ACBD6: variants seen among roughly 807,000 people sequenced by gnomAD.
ACBD6 encodes the protein acyl-CoA binding domain containing 6, also known as acyl-CoA-binding domain-containing protein 6.
Under a neutral mutation model 37.2 loss-of-function variants are expected in ACBD6, and 28 were observed. The observed-to-expected ratio is 0.75, with a 90% CI of 0.56 to 1.03. ACBD6 has a LOEUF of 1.03. Ranked by LOEUF, ACBD6 falls within the 50% of genes least tolerant of loss-of-function variation. The pLI is 0.00. For synonymous variants in ACBD6, 113 were observed against 126.8 expected (o/e 0.89, Z 0.73); for missense variants, 340 against 337.4 (o/e 1.01, Z -0.06).
intron 3 of ACBD6, among the ~76,000 whole-genome samples, chr1:180,456,613 A>C (rs1239898801): frequency 1.3e-5 from 2 of 152,240 alleles, no homozygotes; most frequent in African/African-American, 4.8e-5. Context: ...ATACATCATG[A>C]AACAGCAACA....
intron 6 of ACBD6, among the ~76,000 whole-genome samples, chr1:180,388,601 AT>A (rs34380522): frequency 0.82 from 123,515 of 150,256 alleles, 51,049 homozygotes; most frequent in Non-Finnish European, 0.88. Flanking sequence ...ACACAGATCA[AT>A]TTTTTTTTTT....
intron 6 of ACBD6, among the ~76,000 whole-genome samples, chr1:180,319,850 A>C (rs1379726773): frequency 1.3e-5 from 2 of 152,178 alleles, no homozygotes; most frequent in African/African-American, 4.8e-5. Context: ...CTTTTTAATG[A>C]CTGAATAATA....
At chr1:180,460,048 G>C (rs1483889132) in intron 3 of ACBD6, among the ~76,000 whole-genome samples, 1 of 137,766 alleles carries the variant, frequency 7.3e-6, no homozygotes, top group Non-Finnish European at 1.5e-5. Flanking sequence ...TGTTACATAT[G>C]TATACATGTG....
chr1:180,364,809 C>G (rs1652989778), intron 6 of ACBD6, among the ~76,000 whole-genome samples: 1 of 150,740 alleles, frequency 6.6e-6, no homozygotes, highest in Non-Finnish European at 1.5e-5. Flanking sequence ...TCTTGGCTCA[C>G]TGCAACCTCT....
chr1:180,329,158 T>A (rs1371143794), intron 6 of ACBD6, among the ~76,000 whole-genome samples: 1 of 152,220 alleles, frequency 6.6e-6, no homozygotes, highest in African/African-American at 2.4e-5. Context: ...ACTGATTATA[T>A]CCCTCAATTT....
chr1:180,465,749 T>A (rs1286049437), intron 3 of ACBD6, among the ~76,000 whole-genome samples: 1 of 152,046 alleles, frequency 6.6e-6, no homozygotes, highest in East Asian at 1.9e-4. Flanking sequence ...AGCAAAGACA[T>A]GGAATTAACC....
chr1:180,419,359 A>T (rs1026024251), intron 4 of ACBD6, among the ~76,000 whole-genome samples: 1 of 152,244 alleles, frequency 6.6e-6, no homozygotes, highest in Non-Finnish European at 1.5e-5. Context: ...TCATGTTAAC[A>T]TCTCCTATGA....
At chr1:180,451,497 T>G (rs1042899657) in intron 3 of ACBD6, among the ~76,000 whole-genome samples, 3 of 152,058 alleles carry the variant, frequency 2.0e-5, no homozygotes, top group African/African-American at 7.2e-5. Flanking sequence ...AAAAGATGAA[T>G]GGATAAACAA....
exon 14 of ACBD6, chr1:180,269,686 T>C (rs1355453123): frequency 1.3e-5 from 2 of 152,252 alleles, no homozygotes; most frequent in African/African-American, 2.4e-5. Flanking sequence ...CATTTTTTAA[T>C]ATAAAGATTG....
At chr1:180,370,545 T>C (rs940429154) in intron 6 of ACBD6, among the ~76,000 whole-genome samples, 1 of 152,178 alleles carries the variant, frequency 6.6e-6, no homozygotes, top group Admixed American at 6.5e-5. Flanking sequence ...GAAGTAAATA[T>C]AATACAGTAA....
At chr1:180,489,857 C>T (rs1413744467) in intron 3 of ACBD6, among the ~76,000 whole-genome samples, 2 of 152,090 alleles carry the variant, frequency 1.3e-5, no homozygotes, top group Middle Eastern at 3.2e-3. Flanking sequence ...CGGGATTTCA[C>T]CATGTTGGTC....
intron 3 of ACBD6, among the ~76,000 whole-genome samples, chr1:180,444,806 C>T (rs934624629): frequency 2.0e-5 from 3 of 152,196 alleles, no homozygotes; most frequent in Non-Finnish European, 2.9e-5. Flanking sequence ...AACTAAAATG[C>T]TCCTTCACTC....
chr1:180,305,996 G>C (rs1278202663), intron 7 of ACBD6, among the ~76,000 whole-genome samples: 1 of 150,866 alleles, frequency 6.6e-6, no homozygotes, highest in East Asian at 2.0e-4. Flanking sequence ...ACTATCGCAA[G>C]GACAAAAAAC....
At chr1:180,435,884 G>A (rs144168173) in intron 3 of ACBD6, 39 of 1,389,280 alleles carry the variant, frequency 2.8e-5, no homozygotes, top group Middle Eastern at 2.5e-4. Context: ...TCTTCTGGAT[G>A]GCAAGAACGT....
chr1:180,428,864 T>C (rs1648702813), intron 4 of ACBD6, among the ~76,000 whole-genome samples: 2 of 152,312 alleles, frequency 1.3e-5, no homozygotes, highest in Non-Finnish European at 2.9e-5. Context: ...ACATTTTTTA[T>C]TGCTTAAGAG....
intron 5 of ACBD6, among the ~76,000 whole-genome samples, chr1:180,403,873 C>G (rs1177923009): frequency 1.3e-5 from 2 of 151,930 alleles, no homozygotes; most frequent in Non-Finnish European, 1.5e-5. Context: ...CTGGAGTAGT[C>G]AAATTCAGAG....
chr1:180,437,922 T>C (rs1021625426), intron 3 of ACBD6, among the ~76,000 whole-genome samples: 3 of 152,084 alleles, frequency 2.0e-5, no homozygotes, highest in Admixed American at 6.5e-5. Context: ...GGCCCTATGA[T>C]GAGGGTATGC....
chr1:180,426,565 A>G (rs1022822330), intron 4 of ACBD6, among the ~76,000 whole-genome samples: 2 of 152,204 alleles, frequency 1.3e-5, no homozygotes, highest in Non-Finnish European at 2.9e-5. Context: ...AGTTCTAAAA[A>G]TATTGGCTCT....
At chr1:180,366,763 G>C (rs568349168) in intron 6 of ACBD6, among the ~76,000 whole-genome samples, 1 of 152,300 alleles carries the variant, frequency 6.6e-6, no homozygotes, top group Admixed American at 6.5e-5. Flanking sequence ...TGAATAAAAT[G>C]TCATCTACAT....
Sources: gnomAD v4.1 joint callset for allele counts (sites outside exome capture counted in the v4.1 genomes callset) on GRCh38, gnomAD v4.1.1 for gene constraint, MANE v1.5 for transcripts, NCBI Gene and HGNC (gene_info 2026-07-23, HGNC 2026-07-21) for gene names.